The following BICC1 variants were observed in gnomAD, a reference collection of about 807,000 sequenced individuals.
BICC1 encodes BicC family RNA binding protein 1, also known as protein bicaudal C homolog 1.
Under a neutral mutation model 111.0 loss-of-function variants are expected in BICC1, and 43 were observed. That is an observed-to-expected ratio of 0.39 (90% CI 0.30 to 0.50). The LOEUF (loss-of-function observed/expected upper bound fraction) is 0.50. BICC1 is among the 20% of genes least tolerant of loss of function. The pLI, the probability that BICC1 is intolerant of heterozygous loss-of-function variation, is 0.88. For missense variants in BICC1, 1,091 were observed against 1,203.2 expected, an observed-to-expected ratio of 0.91 and a Z score of 1.38; for synonymous variants, 467 against 434.4, an observed-to-expected ratio of 1.07 and a Z score of -0.93.
chr10:58,564,055 A>G (rs941251735), intron 1 of BICC1, among the ~76,000 whole-genome samples: 4 of 152,230 alleles, frequency 2.6e-5, no homozygotes, highest in African/African-American at 4.8e-5. Flanking sequence ...GCTGAACACT[A>G]TATTTTAAGC....
At chr10:58,757,172 A>C (rs1842171559) in intron 3 of BICC1, among the ~76,000 whole-genome samples, 1 of 152,182 alleles carries the variant, frequency 6.6e-6, no homozygotes, top group Non-Finnish European at 1.5e-5. Flanking sequence ...AAATAATGAG[A>C]CCAAGTCTGT....
intron 1 of BICC1, among the ~76,000 whole-genome samples, chr10:58,556,459 T>C (rs1011789993): frequency 6.6e-5 from 10 of 152,116 alleles, no homozygotes; most frequent in Admixed American, 6.6e-4. Context: ...CCAAGAAATG[T>C]TACTTAGAAA....
At position 58,610,290 on chromosome 10, in the gene BICC1, G is replaced by A. The variant is rs541866191; in HGVS notation, c.191-10565G>A. On this transcript the variant is annotated intron_variant, in intron 1 of 20. Coordinates refer to ENST00000373886, the MANE Select transcript of BICC1 (RefSeq NM_001080512.3). ...GCTTGCTTTCTGTTGTGCCCTGAGT[G>A]TGACAGGGTCAGCACTGTCTTAGAT... is the stretch of plus-strand genomic sequence containing the variant. Among the ~76,000 whole-genome samples the A allele has an allele frequency of 4.6e-5, 7 of 152,268 alleles. No individual in the cohort carries two copies. The South Asian group carries it at 1.0e-3, about 23-fold the overall frequency.
At chr10:58,546,347 T>C (rs548365504) in intron 1 of BICC1, among the ~76,000 whole-genome samples, 157 of 152,298 alleles carry the variant, frequency 1.0e-3, no homozygotes, top group African/African-American at 3.7e-3. Context: ...TTACATCTGG[T>C]TGTTGTCCTG....
At chr10:58,745,460 A>G (rs1841802374) in intron 3 of BICC1, among the ~76,000 whole-genome samples, 1 of 152,052 alleles carries the variant, frequency 6.6e-6, no homozygotes. Flanking sequence ...TACAGACACA[A>G]ATTTATTATC....
intron 1 of BICC1, among the ~76,000 whole-genome samples, chr10:58,564,280 T>C (rs73300553): frequency 0.025 from 3,877 of 152,266 alleles, 174 homozygotes; most frequent in African/African-American, 0.089. Flanking sequence ...AGTCCATAAA[T>C]GAGAAAATGG....
At chr10:58,674,015 G>A (rs1280124665) in intron 2 of BICC1, among the ~76,000 whole-genome samples, 1 of 152,138 alleles carries the variant, frequency 6.6e-6, no homozygotes. Context: ...GTTCACTGTA[G>A]GCCATATTGT....
At chr10:58,800,843 G>A in intron 13 of BICC1, 47 bp from the exon 14 acceptor site, 1 of 1,522,100 alleles carries the variant, frequency 6.6e-7, no homozygotes, top group Non-Finnish European at 8.8e-7. Context: ...TCAACTGGAA[G>A]GTGATGTTGT....
intron 3 of BICC1, among the ~76,000 whole-genome samples, chr10:58,750,590 G>T (rs1158748708): frequency 6.6e-6 from 1 of 152,070 alleles, no homozygotes; most frequent in Non-Finnish European, 1.5e-5. Flanking sequence ...GCAGCTATCA[G>T]TTTGAAGATG....
intron 2 of BICC1, among the ~76,000 whole-genome samples, chr10:58,699,795 A>G (rs1242979361): frequency 6.6e-6 from 1 of 152,044 alleles, no homozygotes; most frequent in Non-Finnish European, 1.5e-5. Flanking sequence ...CCTGGGCTCA[A>G]GTGGTCCTCC....
chr10:58,584,055 AACACACACACACACACACACACAC>A (rs140080926), intron 1 of BICC1, among the ~76,000 whole-genome samples: 2 of 147,874 alleles, frequency 1.4e-5, no homozygotes, highest in Non-Finnish European at 3.0e-5. Context: ...GTAAACATGA[AACACACACACACACACACACACAC>A]ACACACACAC....
chr10:58,689,065 TAAGA>T (rs972617147), intron 2 of BICC1, among the ~76,000 whole-genome samples: 6 of 152,034 alleles, frequency 3.9e-5, no homozygotes, highest in East Asian at 1.9e-4. Flanking sequence ...AAACATGTAT[TAAGA>T]AAGAAAGAAA....
chr10:58,620,054 G>T lies in BICC1; in HGVS notation c.191-801G>T, dbSNP rs147669277. Among the ~76,000 whole-genome samples the T allele has an allele frequency of 5.0e-4, 76 of 152,266 alleles. 1 individual carries two copies. The East Asian group carries it at 0.014, about 28-fold the overall frequency. On this transcript the variant is annotated intron_variant, in intron 1 of 20. Coordinates refer to ENST00000373886, the MANE Select transcript of BICC1 (RefSeq NM_001080512.3). ...CCACCTACACCTGAGTCAGAGTCCT[G>T]TTTGGCCTTAGAAAGATGCAGTCTG...
At chr10:58,735,714 G>C (rs1641425256) in intron 3 of BICC1, among the ~76,000 whole-genome samples, 1 of 152,140 alleles carries the variant, frequency 6.6e-6, no homozygotes, top group African/African-American at 2.4e-5. Flanking sequence ...GCCTCCCTGA[G>C]TTTCACAGTG....
At chr10:58,513,378 C>T in intron 1 of BICC1, 45 bp downstream of exon 1, 2 of 1,508,020 alleles carry the variant, frequency 1.3e-6, no homozygotes, top group Non-Finnish European at 8.9e-7. Context: ...GAGCCTCTAA[C>T]TCCTTTTCGG....
intron 1 of BICC1, among the ~76,000 whole-genome samples, chr10:58,531,082 G>T (rs1272577750): frequency 6.6e-6 from 1 of 151,844 alleles, no homozygotes; most frequent in Admixed American, 6.6e-5. Flanking sequence ...TCCAGTGACT[G>T]GTTTCTCCCT....
intron 1 of BICC1, among the ~76,000 whole-genome samples, chr10:58,549,133 A>G (rs1209461595): frequency 4.3e-5 from 6 of 138,426 alleles, no homozygotes; most frequent in South Asian, 2.4e-4. Context: ...GGCATGAGCC[A>G]CCTCCCTCAG....
chr10:58,810,044 A>G (rs1843851292), intron 17 of BICC1, among the ~76,000 whole-genome samples: 1 of 152,164 alleles, frequency 6.6e-6, no homozygotes, highest in Non-Finnish European at 1.5e-5. Flanking sequence ...CCAGGTATCT[A>G]TTTGTGTTTT....
Position 58,803,128 on chromosome 10 carries a change from T to G in BICC1, c.2067T>G (p.Pro689=), listed in dbSNP as rs1239723588. 4 of 1,610,084 alleles carry G rather than the reference T, an allele frequency of 2.5e-6. No individual in the cohort carries two copies. The highest frequency in any genetic ancestry group is 2.5e-6 in the Non-Finnish European group (3 of 1,178,124). ...CTGAACTGAGTGCTACCGAAAGCCCTTTGGCTGACAAGAAGGCTCCAGGGA... is the reference window on the plus strand; with the variant it reads ...CTGAACTGAGTGCTACCGAAAGCCCGTTGGCTGACAAGAAGGCTCCAGGGA... ...SDPELSATES[P]LADKKAPGSE... Residue 689 remains proline (P), a synonymous_variant, in exon 15 of 21, where the codon CCT becomes CCG. Transcript: ENST00000373886.
Sources: allele counts gnomAD v4.1 joint callset (sites outside exome capture counted in the v4.1 genomes callset), GRCh38; gene constraint gnomAD v4.1.1; transcripts MANE v1.5; gene names NCBI Gene and HGNC (gene_info 2026-07-23, HGNC 2026-07-21).